The following REDIC1 variants were observed in gnomAD, a reference collection of about 807,000 sequenced individuals.
REDIC1 encodes regulator of DNA class I crossover intermediates 1, also known as HEI10 Interacting Protein 1.
the REDIC1 span, among the ~76,000 whole-genome samples, chr12:39,902,730 C>A: frequency 6.6e-6 from 1 of 151,646 alleles, no homozygotes; most frequent in Non-Finnish European, 1.5e-5. Context: ...CCTTTAGACA[C>A]TAAGATTAAA....
At chr12:39,712,979 ATACAT>A in the REDIC1 span, among the ~76,000 whole-genome samples, 2 of 20,468 alleles carry the variant, frequency 9.8e-5, no homozygotes, top group East Asian at 2.9e-3. Flanking sequence ...ATATGTATAT[ATACAT>A]GTGTATATAC....
the REDIC1 span, among the ~76,000 whole-genome samples, chr12:39,631,499 C>A: frequency 2.0e-5 from 3 of 151,504 alleles, no homozygotes; most frequent in Non-Finnish European, 2.9e-5. Context: ...ATTGAAGGAG[C>A]CTACAGTTTT....
the REDIC1 span, among the ~76,000 whole-genome samples, chr12:39,738,098 A>T: frequency 6.6e-6 from 1 of 152,232 alleles, no homozygotes; most frequent in Non-Finnish European, 1.5e-5. Flanking sequence ...ATGAATGAAA[A>T]GACCTATCGG....
At chr12:39,691,882 G>GT in the REDIC1 span, among the ~76,000 whole-genome samples, 3 of 151,696 alleles carry the variant, frequency 2.0e-5, no homozygotes, top group African/African-American at 4.8e-5. Flanking sequence ...TCATTTTATT[G>GT]TTTACCACAG....
At chr12:39,789,151 C>T in the REDIC1 span, among the ~76,000 whole-genome samples, 1 of 152,102 alleles carries the variant, frequency 6.6e-6, no homozygotes, top group Admixed American at 6.6e-5. Context: ...GAACCACTTT[C>T]TGATAGGATC....
At chr12:39,656,363 G>A in the REDIC1 span, among the ~76,000 whole-genome samples, 1 of 152,102 alleles carries the variant, frequency 6.6e-6, no homozygotes, top group African/African-American at 2.4e-5. Flanking sequence ...CTACCATCTA[G>A]TGACATCGTA....
chr12:39,738,342 T>C, the REDIC1 span, among the ~76,000 whole-genome samples: 6 of 152,314 alleles, frequency 3.9e-5, no homozygotes, highest in African/African-American at 1.2e-4. Context: ...ACCCTTCTTT[T>C]AAGAATTTTT....
At chr12:39,733,493 ATTT>A in the REDIC1 span, among the ~76,000 whole-genome samples, 1 of 149,956 alleles carries the variant, frequency 6.7e-6, no homozygotes, top group Non-Finnish European at 1.5e-5. Context: ...TTTTTATTTT[ATTT>A]TATTTTATTT....
At chr12:39,692,249 A>G in the REDIC1 span, 1 of 786,304 alleles carries the variant, frequency 1.3e-6, no homozygotes, top group Non-Finnish European at 1.9e-6. Context: ...TACTAATGCA[A>G]TTGACTCGTT....
chr12:39,747,320 G>A, the REDIC1 span, among the ~76,000 whole-genome samples: 3 of 152,188 alleles, frequency 2.0e-5, no homozygotes, highest in African/African-American at 7.2e-5. Flanking sequence ...GGAAGAAAGG[G>A]TATCAGTGAT....
chr12:39,748,041 A>G, the REDIC1 span, among the ~76,000 whole-genome samples: 1 of 152,168 alleles, frequency 6.6e-6, no homozygotes, highest in African/African-American at 2.4e-5. Context: ...ATAACCAGCT[A>G]ACATCATAAT....
At chr12:39,647,876 GT>G in the REDIC1 span, 7 of 1,607,254 alleles carry the variant, frequency 4.4e-6, no homozygotes, top group Non-Finnish European at 6.0e-6. Flanking sequence ...ATCTTTTTCA[GT>G]GGAGTTACCT....
At chr12:39,861,224 C>T in the REDIC1 span, among the ~76,000 whole-genome samples, 2 of 152,242 alleles carry the variant, frequency 1.3e-5, no homozygotes, top group Non-Finnish European at 2.9e-5. Flanking sequence ...TCTTCTATTA[C>T]AGGCTTTATT....
chr12:39,711,671 G>A, the REDIC1 span, among the ~76,000 whole-genome samples: 560 of 135,486 alleles, frequency 4.1e-3, 11 homozygotes, highest in African/African-American at 0.014. Context: ...CTATACACAT[G>A]TATGTGTGTA....
chr12:39,713,468 ATAC>A, the REDIC1 span, among the ~76,000 whole-genome samples: 1 of 149,780 alleles, frequency 6.7e-6, no homozygotes, highest in South Asian at 2.1e-4. Context: ...ATTTGTATAT[ATAC>A]ATGTATACAT....
chr12:39,834,796 T>C, the REDIC1 span, among the ~76,000 whole-genome samples: 1 of 152,066 alleles, frequency 6.6e-6, no homozygotes, highest in Non-Finnish European at 1.5e-5. Flanking sequence ...TATAGACTAT[T>C]TTATGGCAAA....
At chr12:39,782,363 T>C in the REDIC1 span, among the ~76,000 whole-genome samples, 55 of 152,144 alleles carry the variant, frequency 3.6e-4, no homozygotes, top group African/African-American at 1.2e-3. Flanking sequence ...TTTTCTATGC[T>C]ATTCTTGTAA....
At chr12:39,713,471 C>T in the REDIC1 span, among the ~76,000 whole-genome samples, 1 of 148,908 alleles carries the variant, frequency 6.7e-6, no homozygotes, top group African/African-American at 2.5e-5. Flanking sequence ...TGTATATATA[C>T]ATGTATACAT....
the REDIC1 span, among the ~76,000 whole-genome samples, chr12:39,751,014 T>G: frequency 1.3e-5 from 2 of 152,172 alleles, no homozygotes; most frequent in African/African-American, 4.8e-5. Flanking sequence ...AAGGACTTCA[T>G]GTCTAAAACA....
Sources: allele counts gnomAD v4.1 joint callset (sites outside exome capture counted in the v4.1 genomes callset), GRCh38; gene constraint gnomAD v4.1.1; transcripts MANE v1.5; gene names NCBI Gene and HGNC (gene_info 2026-07-23, HGNC 2026-07-21).